Variants in DLG2 observed in about 807,000 individuals in gnomAD.
The protein encoded by DLG2 is discs large MAGUK scaffold protein 2.
In DLG2, 45 loss-of-function variants were observed where a neutral mutation model predicts 132.5. The ratio of observed to expected loss-of-function variants is 0.34; its 90% CI spans 0.27 to 0.44. DLG2 has a LOEUF of 0.44. Among genes scored for constraint, DLG2 ranks in the 20% least tolerant of loss-of-function variants. The pLI is 1.00. For missense variants in DLG2, 1,045 were observed against 1,196.9 expected, an observed-to-expected ratio of 0.87 and a Z score of 1.87; for synonymous variants, 424 against 419.6, an observed-to-expected ratio of 1.01 and a Z score of -0.13.
At chr11:85,458,737 C>T (rs2092503636) in intron 3 of DLG2, among the ~76,000 whole-genome samples, 1 of 152,214 alleles carries the variant, frequency 6.6e-6, no homozygotes, top group Non-Finnish European at 1.5e-5. Context: ...GTGGCACTTA[C>T]ACATAGTGGC....
intron 6 of DLG2, among the ~76,000 whole-genome samples, chr11:84,786,573 T>C (rs1025142309): frequency 6.6e-6 from 1 of 152,146 alleles, no homozygotes; most frequent in Non-Finnish European, 1.5e-5. Context: ...CCGCCTTCCG[T>C]CCACTCATGT....
At chr11:84,005,009 C>G (rs1310113175) in intron 11 of DLG2, among the ~76,000 whole-genome samples, 1 of 146,476 alleles carries the variant, frequency 6.8e-6, no homozygotes, top group East Asian at 2.0e-4. Context: ...GAACAAAAAT[C>G]CCCCCAACCA....
At chr11:85,460,223 C>T (rs1314198257) in intron 3 of DLG2, among the ~76,000 whole-genome samples, 2 of 152,154 alleles carry the variant, frequency 1.3e-5, no homozygotes, top group East Asian at 3.9e-4. Context: ...GGGAGCCCGA[C>T]CTCTCCTACT....
chr11:83,866,745 G>T (rs988171609), intron 16 of DLG2, among the ~76,000 whole-genome samples: 1 of 152,106 alleles, frequency 6.6e-6, no homozygotes. Context: ...AGAAAATAGG[G>T]AGTATTTAAA....
At chr11:84,616,117 G>C (rs1565463332) in intron 6 of DLG2, among the ~76,000 whole-genome samples, 1 of 152,020 alleles carries the variant, frequency 6.6e-6, no homozygotes, top group African/African-American at 2.4e-5. Flanking sequence ...GTCAGAGAAG[G>C]CTAATCTAAG....
intron 11 of DLG2, among the ~76,000 whole-genome samples, chr11:84,031,267 T>A (rs1049849219): frequency 4.1e-4 from 61 of 150,324 alleles, no homozygotes; most frequent in African/African-American, 1.5e-3. Context: ...AGGAAGCAAA[T>A]AGGTTGAAAA....
intron 6 of DLG2, among the ~76,000 whole-genome samples, chr11:84,696,626 C>A (rs1438028017): frequency 6.6e-6 from 1 of 151,354 alleles, no homozygotes; most frequent in Admixed American, 6.6e-5. Flanking sequence ...GTCAAGGAAG[C>A]AAAAACAAGA....
chr11:84,255,244 A>T (rs528742398), intron 7 of DLG2, among the ~76,000 whole-genome samples: 1 of 151,996 alleles, frequency 6.6e-6, no homozygotes, highest in Non-Finnish European at 1.5e-5. Flanking sequence ...AGTCCTAAAA[A>T]CCAACTATCC....
chr11:85,223,947 C>A (rs1369264069), intron 4 of DLG2, among the ~76,000 whole-genome samples: 1 of 152,056 alleles, frequency 6.6e-6, no homozygotes, highest in Non-Finnish European at 1.5e-5. Flanking sequence ...GATTCTGGGA[C>A]AGACTGCTTG....
intron 6 of DLG2, among the ~76,000 whole-genome samples, chr11:84,894,150 A>G (rs563886458): frequency 6.6e-6 from 1 of 152,260 alleles, no homozygotes; most frequent in South Asian, 2.1e-4. Context: ...TTGGCCTCCT[A>G]GGTAAAGCTT....
chr11:84,567,106 A>G (rs1565321651), intron 6 of DLG2, among the ~76,000 whole-genome samples: 1 of 152,164 alleles, frequency 6.6e-6, no homozygotes, highest in Non-Finnish European at 1.5e-5. Flanking sequence ...CGAAAAATAA[A>G]CAGGGTGAAA....
At chr11:84,033,021 G>A (rs182917443) in intron 11 of DLG2, among the ~76,000 whole-genome samples, 44 of 152,208 alleles carry the variant, frequency 2.9e-4, no homozygotes, top group Non-Finnish European at 5.6e-4. Flanking sequence ...GCTCATTGTC[G>A]ATGCACCTAG....
chr11:85,576,360 C>T (rs1165993186), intron 3 of DLG2, among the ~76,000 whole-genome samples: 1 of 152,098 alleles, frequency 6.6e-6, no homozygotes, highest in Non-Finnish European at 1.5e-5. Context: ...GCATAATTAA[C>T]CTGATGTACT....
intron 3 of DLG2, chr11:85,510,066 G>T (rs1011065328): frequency 8.7e-5 from 13 of 149,102 alleles, no homozygotes; most frequent in African/African-American, 2.2e-4. Context: ...AAAAAAACAG[G>T]TTAGTTTTGT....
intron 3 of DLG2, among the ~76,000 whole-genome samples, chr11:85,373,046 C>A (rs1487416666): frequency 2.6e-5 from 4 of 152,174 alleles, no homozygotes; most frequent in Non-Finnish European, 4.4e-5. Context: ...ATGGGACACT[C>A]CCCTCAGATG....
intron 3 of DLG2, among the ~76,000 whole-genome samples, chr11:85,592,909 C>T (rs2079462192): frequency 6.7e-6 from 1 of 148,348 alleles, no homozygotes; most frequent in Non-Finnish European, 1.5e-5. Context: ...GCTGAGACTG[C>T]ACCACTGCAC....
At chr11:85,538,204 A>C (rs2075731199) in intron 3 of DLG2, among the ~76,000 whole-genome samples, 1 of 152,018 alleles carries the variant, frequency 6.6e-6, no homozygotes, top group Non-Finnish European at 1.5e-5. Flanking sequence ...CAGCAAGACC[A>C]AGAACCCACC....
chr11:83,906,267 A>T (rs1228064345), intron 15 of DLG2, among the ~76,000 whole-genome samples: 13,525 of 57,668 alleles, frequency 0.23, 894 homozygotes, highest in African/African-American at 0.29. Context: ...TCACACACAC[A>T]CACACACACA....
At chr11:84,819,812 A>G (rs1201826992) in intron 6 of DLG2, among the ~76,000 whole-genome samples, 1 of 150,518 alleles carries the variant, frequency 6.6e-6, no homozygotes, top group Non-Finnish European at 1.5e-5. Flanking sequence ...CAGCTTGACA[A>G]GTGATCACAT....
Sources: gnomAD v4.1 joint callset for allele counts (sites outside exome capture counted in the v4.1 genomes callset) on GRCh38, gnomAD v4.1.1 for gene constraint, MANE v1.5 for transcripts, NCBI Gene and HGNC (gene_info 2026-07-23, HGNC 2026-07-21) for gene names.